The following EZR variants were observed in gnomAD, a reference collection of about 807,000 sequenced individuals.
EZR encodes ezrin.
Under a neutral mutation model 74.8 loss-of-function variants are expected in EZR, and 40 were observed. That is an observed-to-expected ratio of 0.53 (90% CI 0.42 to 0.70). The LOEUF (loss-of-function observed/expected upper bound fraction) is 0.70. Among genes scored for constraint, EZR ranks in the 30% least tolerant of loss-of-function variants. The pLI is 0.00. For synonymous variants in EZR, 341 were observed against 283.3 expected, an observed-to-expected ratio of 1.20 and a Z score of -2.05; for missense variants, 678 against 755.8, an observed-to-expected ratio of 0.90 and a Z score of 1.21.
At position 158,769,819 on chromosome 6, in the gene EZR, GTC is replaced by G; in HGVS notation, c.1214_1215del (p.Arg405ThrfsTer36). On this transcript the variant is annotated frameshift_variant, in exon 11 of 14. Transcript: ENST00000367075. LOFTEE classifies it high-confidence loss of function. ...AALRAKEELE[R>X]QAVDQIKSQE... ...TGGCTCTTTATCTGATCCACCGCCT[GTC>G]TCTCCAGCTCCTCCTTAGCCCGCAG... is the stretch of plus-strand genomic sequence containing the variant. 1 of 1,614,024 alleles carries G rather than the reference GTC, an allele frequency of 6.2e-7. No individual in the cohort carries two copies. Among genetic ancestry groups the G allele is most frequent in the Non-Finnish European group, 8.5e-7 (1 of 1,180,038 alleles).
intron 2 of EZR, among the ~76,000 whole-genome samples, chr6:158,801,364 G>A (rs923003089): frequency 2.6e-5 from 4 of 152,116 alleles, no homozygotes; most frequent in African/African-American, 9.7e-5. Context: ...TGGGATTACA[G>A]GCATGAGAAC....
intron 8 of EZR, among the ~76,000 whole-genome samples, chr6:158,774,672 A>AACACACAC (rs56400693): frequency 0.028 from 3,920 of 142,424 alleles, 94 homozygotes; most frequent in East Asian, 0.13. Context: ...CTTATCATCA[A>AACACACAC]ACACACACAC....
At chr6:158,794,688 C>G (rs1777031124) in intron 2 of EZR, among the ~76,000 whole-genome samples, 1 of 152,248 alleles carries the variant, frequency 6.6e-6, no homozygotes, top group African/African-American at 2.4e-5. Flanking sequence ...GTGAAGGCAA[C>G]GCAATCACGT....
At chr6:158,802,389 AC>A (rs1045860595) in intron 2 of EZR, among the ~76,000 whole-genome samples, 2 of 142,014 alleles carry the variant, frequency 1.4e-5, no homozygotes, top group African/African-American at 5.1e-5. Context: ...AGGAAAATTT[AC>A]CAAATATCAA....
chr6:158,787,802 T>G (rs1387359841), intron 3 of EZR, among the ~76,000 whole-genome samples: 1 of 152,224 alleles, frequency 6.6e-6, no homozygotes, highest in Non-Finnish European at 1.5e-5. Context: ...CAGAGGAACC[T>G]GCATCTTATA....
chr6:158,806,638 A>G (rs914001779), intron 2 of EZR, among the ~76,000 whole-genome samples: 93 of 152,084 alleles, frequency 6.1e-4, no homozygotes, highest in African/African-American at 2.1e-3. Context: ...CAAGTTCAGT[A>G]AATATTATTC....
At chr6:158,804,768 T>TTAC (rs1248815242) in intron 2 of EZR, among the ~76,000 whole-genome samples, 1 of 149,730 alleles carries the variant, frequency 6.7e-6, no homozygotes, top group Non-Finnish European at 1.5e-5. Context: ...TTTTTCTTAT[T>TTAC]TTTTTTTATT....
intron 2 of EZR, among the ~76,000 whole-genome samples, chr6:158,807,079 G>A (rs1777355913): frequency 6.6e-6 from 1 of 152,214 alleles, no homozygotes; most frequent in Non-Finnish European, 1.5e-5. Flanking sequence ...TTGGGAGGCT[G>A]AGGCGGGCGG....
At chr6:158,803,860 T>C (rs921004954) in intron 2 of EZR, among the ~76,000 whole-genome samples, 9 of 151,686 alleles carry the variant, frequency 5.9e-5, no homozygotes, top group Admixed American at 3.9e-4. Flanking sequence ...CTGTGCTCAT[T>C]ATTATCAGCA....
At chr6:158,769,236 C>G in intron 12 of EZR, 90 bp downstream of exon 12, 3 of 1,128,062 alleles carry the variant, frequency 2.7e-6, no homozygotes, top group Non-Finnish European at 3.9e-6. Context: ...GACCTCTCCC[C>G]CAACCCACCC....
intron 13 of EZR, 88 bp downstream of exon 13, chr6:158,767,172 TG>T: frequency 6.3e-7 from 1 of 1,582,652 alleles, no homozygotes; most frequent in South Asian, 1.2e-5. Flanking sequence ...GGGTGCTGGG[TG>T]GGGCTGGCTC....
intron 8 of EZR, among the ~76,000 whole-genome samples, chr6:158,774,345 C>G (rs1476585006): frequency 6.6e-6 from 1 of 152,112 alleles, no homozygotes; most frequent in Non-Finnish European, 1.5e-5. Context: ...GAATCTCACC[C>G]CCATCTTCTG....
chr6:158,784,555 C>T lies in EZR; in HGVS notation c.551+89G>A, dbSNP rs184840002. On this transcript the variant is annotated intron_variant, in intron 6 of 13. Coordinates refer to ENST00000367075, the MANE Select transcript of EZR (RefSeq NM_001111077.2). ...GGTCTTCACAAGGCCTGACACAGAG[C>T]CCTTTAAAGCACTAACTAGAGTCAC... 222 of 1,164,130 alleles carry T rather than the reference C, an allele frequency of 1.9e-4. 2 individuals carry two copies. In the African/African-American group the frequency reaches 2.4e-3, roughly 13 times the overall value. The allele number at this position is 1,164,130 out of a possible 1,614,324, so 72.1% of individuals were successfully genotyped here.
intron 7 of EZR, among the ~76,000 whole-genome samples, chr6:158,777,691 G>T (rs960961022): frequency 1.3e-5 from 2 of 152,114 alleles, no homozygotes; most frequent in African/African-American, 4.8e-5. Context: ...TACAGGTTTC[G>T]TTATGATCAC....
chr6:158,790,375 T>TAA (rs942140704), intron 2 of EZR, among the ~76,000 whole-genome samples: 2 of 152,126 alleles, frequency 1.3e-5, no homozygotes, highest in African/African-American at 4.8e-5. Context: ...GTAGTTGTTT[T>TAA]AAAAAAACAA....
intron 1 of EZR, 83 bp from the exon 2 acceptor site, chr6:158,818,249 C>A (rs1777606589): frequency 1.4e-6 from 1 of 713,134 alleles, no homozygotes. Flanking sequence ...GCCCGCAGCG[C>A]GCTGCCGCTT....
chr6:158,791,285 A>G (rs118066645), intron 2 of EZR, among the ~76,000 whole-genome samples: 309 of 152,366 alleles, frequency 2.0e-3, no homozygotes, highest in Non-Finnish European at 3.4e-3. Context: ...GCAACGAGAC[A>G]TGTTTTAAAG....
Position 158,766,538 on chromosome 6 carries a change from G to A in EZR, c.*376C>T, listed in dbSNP as rs1790855143. 5.1e-6 allele frequency: 1 copy of A among 197,000 alleles called. No homozygotes were observed. The highest frequency in any genetic ancestry group is 2.3e-5 in the African/African-American group (1 of 42,728). 12.2% of individuals were successfully genotyped at this position (197,000 alleles called of 1,614,324 possible). On this transcript the variant is annotated 3_prime_UTR_variant, in exon 14 of 14. Transcript: ENST00000367075. The stretch of plus-strand genomic sequence containing the variant: ...TGAGCTCATTTCGAATACAGAACAA[G>A]TATGGCACAGATGGAAGTCCTGCCA...
At chr6:158,805,340 A>AGG (rs1202268417) in intron 2 of EZR, among the ~76,000 whole-genome samples, 11 of 32,872 alleles carry the variant, frequency 3.3e-4, no homozygotes, top group African/African-American at 1.1e-3. Flanking sequence ...ATCTCAGGAA[A>AGG]AAAAAAAAAA....
Sources: gnomAD v4.1 joint callset for allele counts (sites outside exome capture counted in the v4.1 genomes callset) on GRCh38, gnomAD v4.1.1 for gene constraint, MANE v1.5 for transcripts, NCBI Gene and HGNC (gene_info 2026-07-23, HGNC 2026-07-21) for gene names.